Variants in ZNF7 observed in about 807,000 individuals in gnomAD.
ZNF7 encodes the protein zinc finger protein 7, also known as C2-H2 type zinc finger protein.
ZNF7 carries 10 observed loss-of-function variants against 12.0 expected under a neutral mutation model. The ratio of observed to expected loss-of-function variants is 0.83; its 90% confidence interval spans 0.51 to 1.42. ZNF7 has a LOEUF of 1.42. Ranked by LOEUF, ZNF7 falls within the 40% of genes most tolerant of loss-of-function variation. The pLI, the probability that ZNF7 is intolerant of heterozygous loss-of-function variation, is 0.00. For synonymous variants in ZNF7, 334 were observed against 295.0 expected (o/e 1.13, Z -1.35); for missense variants, 854 against 837.2 (o/e 1.02, Z -0.25).
rs550123234 is a variant in ZNF7, at chr8:144,837,913, C to T, written c.247+406C>T. ...CCTGAGGCAGCTCCCTTCAGACCCTCTCAGGCTCCAGGAGTGCATTACTTT... is the reference window on the plus strand; with the variant it reads ...CCTGAGGCAGCTCCCTTCAGACCCTTTCAGGCTCCAGGAGTGCATTACTTT... On this transcript the variant is annotated intron_variant, in intron 4 of 4. Coordinates refer to ENST00000532777, the MANE Select transcript of ZNF7 (RefSeq NM_003416.4). The T allele has an allele frequency of 2.3e-5, 14 of 610,546 alleles. No individual in the cohort carries two copies. In the East Asian group the frequency reaches 3.6e-4, roughly 16 times the overall value. The allele number at this position is 610,546 out of a possible 1,614,324, so 37.8% of individuals were successfully genotyped here. A position where few individuals can be genotyped will look rare whatever the true frequency, so the allele number is the denominator to read the frequency against.
rs963357397 is a variant in ZNF7, at chr8:144,842,304, C to T, written c.1197C>T (p.Ser399=). Residue 399 remains serine (S), a synonymous_variant, in exon 5 of 5, where the codon AGC becomes AGT. Transcript: ENST00000532777. ...TTCTAAAAGCCTCAGACAGTCCAAG[C>T]CTTGTTGCACATCAGAGAATTCACG... ...AQILKASDSP[S]LVAHQRIHAV... 4.3e-6 allele frequency: 7 copies of T among 1,613,886 alleles called. No individual in the cohort carries two copies. In the African/African-American group the frequency reaches 8.0e-5, roughly 18 times the overall value.
rs1432756097 is a variant in ZNF7 at position 144,841,577 on chromosome 8, CTG to C, written c.473_474del (p.Val158GlyfsTer14). 2.5e-6 allele frequency: 4 copies of C among 1,614,052 alleles called. No homozygotes were observed. Among genetic ancestry groups the C allele is most frequent in the Admixed American group, 3.3e-5 (2 of 60,004 alleles). ...CAAAATAACTGTTTGAATGAGGAGA[CTG>C]TGGTTCCCAAGACCTTCACCAAGGA... On this transcript the variant is annotated frameshift_variant, in exon 5 of 5. Coordinates refer to ENST00000532777, the MANE Select transcript of ZNF7 (RefSeq NM_003416.4). LOFTEE classifies it low-confidence loss of function (END_TRUNC).
chr8:144,838,434 C>T, intron 4 of ZNF7: 2 of 408,420 alleles, frequency 4.9e-6, no homozygotes, highest in South Asian at 7.8e-5. Flanking sequence ...CGGCCTGGTG[C>T]TCTGCTCCCC....
At chr8:144,845,953 T>C, downstream of ZNF7, 1 of 1,534,964 alleles carries the variant, frequency 6.5e-7, no homozygotes, top group South Asian at 1.2e-5. Flanking sequence ...AGCACAGGGG[T>C]TGCTGTTGCT....
In ZNF7 at chr8:144,841,578, T is replaced by A. The variant is rs1270588525; in HGVS notation, c.471T>A (p.Thr157=). ...TFQNNCLNEE[T]VVPKTFTKDA... ...AAAATAACTGTTTGAATGAGGAGAC[T>A]GTGGTTCCCAAGACCTTCACCAAGG... Residue 157 remains threonine, a synonymous_variant, in exon 5 of 5, where the codon ACT becomes ACA. Coordinates refer to ENST00000532777, the MANE Select transcript of ZNF7 (RefSeq NM_003416.4). 1 of 1,614,152 alleles carries A rather than the reference T, an allele frequency of 6.2e-7. No individual in the cohort carries two copies. The highest frequency in any genetic ancestry group is 1.7e-5 in the Admixed American group (1 of 60,024).
At chr8:144,828,186 A>G (rs1372813484) in intron 1 of ZNF7, 1 of 152,230 alleles carries the variant, frequency 6.6e-6, no homozygotes, top group Non-Finnish European at 1.5e-5. Context: ...CTGGGCCAGA[A>G]GCTGCCATAC....
chr8:144,829,342 A>G, intron 2 of ZNF7, 136 bp from the exon 3 acceptor site: 2 of 1,546,440 alleles, frequency 1.3e-6, no homozygotes, highest in African/African-American at 1.4e-5. Flanking sequence ...CCCTCCCCAG[A>G]ATATTAGAGG....
rs1201184098 is a variant in ZNF7, at chr8:144,843,626, A to AATGT, written c.*463_*466dup. 6.6e-6 allele frequency: 1 copy of AATGT among 152,610 alleles called. No individual in the cohort carries two copies. Among genetic ancestry groups the AATGT allele is most frequent in the Admixed American group, 6.5e-5 (1 of 15,278 alleles). 9.5% of individuals were successfully genotyped at this position (152,610 alleles called of 1,614,324 possible). A position where few individuals can be genotyped will look rare whatever the true frequency, so the allele number is the denominator to read the frequency against. ...AAAAAAAAAATCCAACTTCATACAAAATGTATGTTTATTTCCTGAAATGTT... is the reference window on the plus strand; with the variant it reads ...AAAAAAAAAATCCAACTTCATACAAAATGTATGTATGTTTATTTCCTGAAATGTT... On this transcript the variant is annotated 3_prime_UTR_variant, in exon 5 of 5. Transcript: ENST00000532777.
At chr8:144,833,266 A>C (rs1828647528) in intron 3 of ZNF7, among the ~76,000 whole-genome samples, 1 of 151,302 alleles carries the variant, frequency 6.6e-6, no homozygotes, top group Non-Finnish European at 1.5e-5. Flanking sequence ...TCATCTATGA[A>C]ATGGGATGTT....
Position 144,837,827 on chromosome 8 carries a change from A to G in ZNF7, c.247+320A>G, listed in dbSNP as rs111987580. Among the ~76,000 whole-genome samples the G allele has an allele frequency of 4.6e-3, 705 of 152,222 alleles. 3 individuals are homozygous for G. Among genetic ancestry groups the G allele is most frequent in the Non-Finnish European group, 7.6e-3 (514 of 67,990 alleles). ...TTTCGTTAAGCAAAGATACAAACCT[A>G]TGGATCCAAGTGAAGGGTTAGGTTT... On this transcript the variant is annotated intron_variant, in intron 4 of 4. Coordinates refer to ENST00000532777, the MANE Select transcript of ZNF7 (RefSeq NM_003416.4).
At chr8:144,846,038 A>G (rs1324571847), downstream of ZNF7, 2 of 1,536,362 alleles carry the variant, frequency 1.3e-6, no homozygotes, top group South Asian at 1.2e-5. Context: ...ACCGCCTGCA[A>G]CTCCTGTTCC....
At chr8:144,846,162 C>T, downstream of ZNF7, 1 of 1,536,136 alleles carries the variant, frequency 6.5e-7, no homozygotes, top group East Asian at 2.4e-5. Context: ...GGAACGTCAG[C>T]CATATGGATG....
In ZNF7 at chr8:144,829,385, C is replaced by CCATGGGGCAGCTGCCTGAGACATGT. The variant is rs1828171745; in HGVS notation, c.4-88_4-64dup. On this transcript the variant is annotated intron_variant, in intron 2 of 4. Coordinates refer to ENST00000532777, the MANE Select transcript of ZNF7 (RefSeq NM_003416.4). ...GTCCTGGTGAGCGTCTCGCCCAACCCCATGGGGCAGCTGCCTGAGACATGT... is the reference window on the plus strand; with the variant it reads ...GTCCTGGTGAGCGTCTCGCCCAACCCCATGGGGCAGCTGCCTGAGACATGTCATGGGGCAGCTGCCTGAGACATGT... 4.4e-6 allele frequency: 7 copies of CCATGGGGCAGCTGCCTGAGACATGT among 1,588,022 alleles called. No individual in the cohort carries two copies. The Admixed American group carries it at 5.1e-5, about 12-fold the overall frequency.
chr8:144,840,066 C>T (rs1163213360), intron 4 of ZNF7, among the ~76,000 whole-genome samples: 5 of 152,240 alleles, frequency 3.3e-5, no homozygotes, highest in Non-Finnish European at 7.3e-5. Context: ...TCCCAAGTAG[C>T]CGGGATTACA....
At chr8:144,835,168 A>G (rs1828850950) in intron 3 of ZNF7, 1 of 152,042 alleles carries the variant, frequency 6.6e-6, no homozygotes, top group Non-Finnish European at 1.5e-5. Context: ...TTGGGGAAGG[A>G]AAGTCTTGGA....
At chr8:144,830,542 C>G (rs905898609) in intron 3 of ZNF7, among the ~76,000 whole-genome samples, 1 of 152,176 alleles carries the variant, frequency 6.6e-6, no homozygotes, top group Non-Finnish European at 1.5e-5. Context: ...GTCTAAGATG[C>G]CTTACTTTGT....
Position 144,842,111 on chromosome 8 carries a change from G to A in ZNF7, c.1004G>A (p.Gly335Asp). 6.2e-7 allele frequency: 1 copy of A among 1,613,834 alleles called. No homozygotes were observed. The highest frequency in any genetic ancestry group is 8.5e-7 in the Non-Finnish European group (1 of 1,179,940). The change falls in exon 5 of 5, where the codon GGT becomes GAT. Residue 335 changes from glycine to aspartate, a missense_variant. Coordinates refer to ENST00000532777, the MANE Select transcript of ZNF7 (RefSeq NM_003416.4). ...QRIHTGERPY[G>D]CRECGKAFSQ... The stretch of plus-strand genomic sequence containing the variant: ...ATCCACACAGGAGAGAGGCCCTATG[G>A]TTGTCGTGAGTGTGGGAAAGCCTTC...
rs942588412 is a variant in ZNF7 at position 144,831,794 on chromosome 8, A to C, written c.130+2190A>C. On this transcript the variant is annotated intron_variant, in intron 3 of 4. Coordinates refer to ENST00000532777, the MANE Select transcript of ZNF7 (RefSeq NM_003416.4). ...CGAGACTCCATCTAAAAAAAAAAAA[A>C]AAAAAGACTATCTTAGAATTTATAA... 1.3e-4 allele frequency among the ~76,000 whole-genome samples: 13 copies of C among 100,688 alleles called. 3 individuals are homozygous for C. Among genetic ancestry groups the C allele is most frequent in the African/African-American group, 3.8e-4 (13 of 34,228 alleles). 66.1% of individuals were successfully genotyped at this position (100,688 alleles called of 152,430 possible).
At position 144,842,211 on chromosome 8, in the gene ZNF7, G is replaced by A. The variant is rs777016015; in HGVS notation, c.1104G>A (p.Gly368=). The change falls in exon 5 of 5, where the codon GGG becomes GGA. Residue 368 remains glycine, a synonymous_variant. Coordinates refer to ENST00000532777, the MANE Select transcript of ZNF7 (RefSeq NM_003416.4). ...GGCCCTACCCTTGCAAGGAGTGTGGGAAGGCCTTCAGCCAGAGCTCCACCC... is the reference window on the plus strand; with the variant it reads ...GGCCCTACCCTTGCAAGGAGTGTGGAAAGGCCTTCAGCCAGAGCTCCACCC... The part of the protein sequence containing the change: ...GERPYPCKEC[G]KAFSQSSTLA... 4.4e-5 allele frequency: 71 copies of A among 1,613,906 alleles called. No individual in the cohort carries two copies. The Admixed American group carries it at 1.1e-3, about 26-fold the overall frequency.
Sources: allele counts gnomAD v4.1 joint callset (sites outside exome capture counted in the v4.1 genomes callset), GRCh38; gene constraint gnomAD v4.1.1; transcripts MANE v1.5; gene names NCBI Gene and HGNC (gene_info 2026-07-23, HGNC 2026-07-21).